ASAP1: variants seen among roughly 807,000 people sequenced by gnomAD.
ASAP1 encodes ArfGAP with SH3 domain, ankyrin repeat and PH domain 1.
A neutral mutation model predicts 145.2 loss-of-function variants in ASAP1; 43 were observed. The observed-to-expected ratio is 0.30, with a 90% CI of 0.23 to 0.38. The LOEUF (loss-of-function observed/expected upper bound fraction) is 0.38. Among genes scored for constraint, ASAP1 ranks in the 10% least tolerant of loss-of-function variants. The probability of loss-of-function intolerance (pLI) is 1.00; values close to 1 mark genes in which losing one functional copy is unlikely to be tolerated. For synonymous variants in ASAP1, 546 were observed against 515.5 expected (o/e 1.06, Z -0.80); for missense variants, 1,018 against 1,355.3 (o/e 0.75, Z 3.91).
At chr8:130,153,750 T>C (rs1237925278) in intron 12 of ASAP1, among the ~76,000 whole-genome samples, 1 of 152,080 alleles carries the variant, frequency 6.6e-6, no homozygotes, top group African/African-American at 2.4e-5. Context: ...GAATGACAGG[T>C]ACTACAATGA....
chr8:130,127,822 G>C, intron 16 of ASAP1, 105 bp downstream of exon 16: 2 of 1,262,740 alleles, frequency 1.6e-6, no homozygotes, highest in East Asian at 2.5e-5. Context: ...GTGTGTATGT[G>C]AGTGTGTCCA....
intron 3 of ASAP1, among the ~76,000 whole-genome samples, chr8:130,272,341 AC>A (rs1820634776): frequency 6.6e-6 from 1 of 151,928 alleles, no homozygotes; most frequent in Admixed American, 6.6e-5. Context: ...AACAAACAAA[AC>A]CCCTATGTTG....
chr8:130,293,490 T>C (rs952163828), intron 3 of ASAP1, among the ~76,000 whole-genome samples: 2 of 152,204 alleles, frequency 1.3e-5, no homozygotes, highest in Non-Finnish European at 2.9e-5. Flanking sequence ...CAGCCTTCAG[T>C]CACAGAGGTG....
At chr8:130,262,320 G>A (rs758145763) in intron 3 of ASAP1, among the ~76,000 whole-genome samples, 7 of 146,222 alleles carry the variant, frequency 4.8e-5, no homozygotes, top group South Asian at 2.2e-4. Flanking sequence ...GCTTGAACTC[G>A]GGGGATGGAG....
intron 2 of ASAP1, among the ~76,000 whole-genome samples, chr8:130,367,111 C>T (rs1034089949): frequency 2.0e-5 from 3 of 151,716 alleles, no homozygotes; most frequent in Non-Finnish European, 2.9e-5. Flanking sequence ...AGGATGGTCT[C>T]GATCTCTTGA....
intron 3 of ASAP1, among the ~76,000 whole-genome samples, chr8:130,330,717 G>GT (rs1230085786): frequency 6.6e-6 from 1 of 152,132 alleles, no homozygotes; most frequent in East Asian, 1.9e-4. Context: ...ATGTGTGTAG[G>GT]TATCTCTATG....
intron 1 of ASAP1, among the ~76,000 whole-genome samples, chr8:130,428,466 TCACCAC>T (rs1228960674): frequency 4.2e-5 from 1 of 23,988 alleles, no homozygotes; most frequent in Non-Finnish European, 8.8e-5. Context: ...ACCATCATCA[TCACCAC>T]CACCACCACC....
intron 4 of ASAP1, among the ~76,000 whole-genome samples, chr8:130,218,958 T>C (rs1817112700): frequency 6.6e-6 from 1 of 152,108 alleles, no homozygotes; most frequent in African/African-American, 2.4e-5. Context: ...TATAATTTCC[T>C]AGCATAAAAA....
At chr8:130,183,628 CA>C (rs968446105) in intron 7 of ASAP1, among the ~76,000 whole-genome samples, 8 of 152,266 alleles carry the variant, frequency 5.3e-5, no homozygotes, top group African/African-American at 1.9e-4. Context: ...AGGCATGAGC[CA>C]CCGTGCCTGA....
At chr8:130,438,069 C>T (rs572434987) in intron 1 of ASAP1, among the ~76,000 whole-genome samples, 70 of 152,306 alleles carry the variant, frequency 4.6e-4, no homozygotes, top group African/African-American at 1.6e-3. Flanking sequence ...GCAGCAGACG[C>T]CCTCAGTCGC....
intron 27 of ASAP1, among the ~76,000 whole-genome samples, chr8:130,070,327 G>A (rs1422699909): frequency 6.6e-6 from 1 of 152,152 alleles, no homozygotes; most frequent in Non-Finnish European, 1.5e-5. Flanking sequence ...GTGAGCCACC[G>A]TGCCCGGCCG....
At chr8:130,419,925 C>T (rs919906955) in intron 1 of ASAP1, among the ~76,000 whole-genome samples, 1 of 151,766 alleles carries the variant, frequency 6.6e-6, no homozygotes, top group Non-Finnish European at 1.5e-5. Flanking sequence ...CCTGGAGCTT[C>T]CCTACATCTG....
In ASAP1 at chr8:130,392,748, A is replaced by G. The variant is rs185052214; in HGVS notation, c.59+9137T>C. On this transcript the variant is annotated intron_variant, in intron 2 of 29. Coordinates refer to ENST00000518721, the MANE Select transcript of ASAP1 (RefSeq NM_018482.4). Reference sequence around the variant, plus strand: ...GCCTCAGGTTGCTTCAACTCGTGGCAGAAGGGGAAGGGGAGCCAGCATGTG... The same window carrying G: ...GCCTCAGGTTGCTTCAACTCGTGGCGGAAGGGGAAGGGGAGCCAGCATGTG... Among the ~76,000 whole-genome samples, 62 of 152,146 alleles carry G rather than the reference A, an allele frequency of 4.1e-4. No homozygotes were observed. In the East Asian group the frequency reaches 0.011, roughly 26 times the overall value.
chr8:130,072,668 A>C (rs1405608023), intron 27 of ASAP1, among the ~76,000 whole-genome samples: 1 of 151,666 alleles, frequency 6.6e-6, no homozygotes, highest in African/African-American at 2.4e-5. Flanking sequence ...ATAAACTGGT[A>C]AATGTGTTTC....
intron 1 of ASAP1, among the ~76,000 whole-genome samples, chr8:130,437,030 G>A (rs530201751): frequency 3.3e-5 from 5 of 151,372 alleles, no homozygotes; most frequent in African/African-American, 7.3e-5. Context: ...ACTTGAACCC[G>A]GGAGGGAGCA....
At chr8:130,179,915 G>T (rs1364970850) in intron 8 of ASAP1, among the ~76,000 whole-genome samples, 1 of 151,362 alleles carries the variant, frequency 6.6e-6, no homozygotes, top group Non-Finnish European at 1.5e-5. Flanking sequence ...TCTGTAAAAA[G>T]GTTCATGAGC....
At chr8:130,400,113 C>T (rs1445677073) in intron 2 of ASAP1, among the ~76,000 whole-genome samples, 1 of 152,182 alleles carries the variant, frequency 6.6e-6, no homozygotes, top group Non-Finnish European at 1.5e-5. Context: ...AGCCATCGCG[C>T]CTGGCCGAAA....
At chr8:130,328,914 G>C (rs950271434) in intron 3 of ASAP1, among the ~76,000 whole-genome samples, 2 of 152,154 alleles carry the variant, frequency 1.3e-5, no homozygotes, top group African/African-American at 4.8e-5. Context: ...ACAGACATGG[G>C]TCTGTATAGA....
chr8:130,203,036 T>C (rs538758584), intron 5 of ASAP1, among the ~76,000 whole-genome samples: 2 of 151,996 alleles, frequency 1.3e-5, no homozygotes, highest in South Asian at 4.1e-4. Flanking sequence ...AGAAATTACA[T>C]ACTGAAATAT....
Sources: allele counts gnomAD v4.1 joint callset (sites outside exome capture counted in the v4.1 genomes callset), GRCh38; gene constraint gnomAD v4.1.1; transcripts MANE v1.5; gene names NCBI Gene and HGNC (gene_info 2026-07-23, HGNC 2026-07-21).